Variants in HR observed in about 807,000 individuals in gnomAD.
HR encodes the protein HR lysine demethylase and nuclear receptor corepressor, also known as lysine-specific demethylase hairless.
A neutral mutation model predicts 128.6 loss-of-function variants in HR; 83 were observed. The observed-to-expected ratio is 0.65, with a 90% CI of 0.54 to 0.77. HR has a LOEUF of 0.77. Among genes scored for constraint, HR ranks in the 30% least tolerant of loss-of-function variants. The probability of loss-of-function intolerance (pLI) is 0.00; values close to 1 mark genes in which losing one functional copy is unlikely to be tolerated. For synonymous variants in HR, 681 were observed against 658.2 expected (o/e 1.03, Z -0.53); for missense variants, 1,490 against 1,574.6 (o/e 0.95, Z 0.91).
Position 22,125,211 on chromosome 8 carries a change from G to A in HR, c.1750+100C>T, listed in dbSNP as rs1826852731. ...CCAGGCCAGGGGCTCTTCTGAGGTT[G>A]CCTTAGGTCTAGGAGCTGGCAGTGT... On this transcript the variant is annotated intron_variant, in intron 5 of 18. Transcript: ENST00000381418. The A allele has an allele frequency of 9.7e-6, 12 of 1,236,312 alleles. No individual in the cohort carries two copies. In the South Asian group the frequency reaches 1.4e-4, roughly 14 times the overall value. 76.6% of individuals were successfully genotyped at this position (1,236,312 alleles called of 1,614,324 possible).
chr8:22,126,473 G>T (rs576519661), intron 3 of HR, among the ~76,000 whole-genome samples: 1 of 152,232 alleles, frequency 6.6e-6, no homozygotes, highest in Non-Finnish European at 1.5e-5. Flanking sequence ...ACCTGGCCAA[G>T]AGAGCAGCCA....
chr8:22,115,467 G>A lies in HR; in HGVS notation c.*233C>T, dbSNP rs879450544. On this transcript the variant is annotated 3_prime_UTR_variant, in exon 19 of 19. Transcript: ENST00000381418. ...GTGCGGGCCTGGTACCATGAAAAGG[G>A]GCACAGGGTGGGGGAGATGCCAGCC... is the stretch of plus-strand genomic sequence containing the variant. The A allele has an allele frequency of 9.9e-6, 6 of 607,636 alleles. No homozygotes were observed. The highest frequency in any genetic ancestry group is 1.8e-5 in the Non-Finnish European group (6 of 336,828). 37.6% of individuals were successfully genotyped at this position (607,636 alleles called of 1,614,324 possible).
chr8:22,128,235 A>C, intron 2 of HR: 4 of 521,444 alleles, frequency 7.7e-6, no homozygotes, highest in Non-Finnish European at 1.0e-5. Flanking sequence ...AGTCTCAGAT[A>C]GAGGGCCCTT....
In HR at chr8:22,116,175, GC is replaced by G; in HGVS notation, c.3507+124del. On this transcript the variant is annotated intron_variant, in intron 18 of 18. Coordinates refer to ENST00000381418, the MANE Select transcript of HR (RefSeq NM_005144.5). This position sits in a 1 kb window ranked among gnomAD's most constrained non-coding sequence, Gnocchi z 4.2. ...ACAAACTAAACAAAAGGAATACTCT[GC>G]CCCTGCACAGGGTGGCTGCCTGCTT... 1 of 1,294,210 alleles carries G rather than the reference GC, an allele frequency of 7.7e-7. No homozygotes were observed. The highest frequency in any genetic ancestry group is 1.3e-5 in the South Asian group (1 of 79,448). The allele number at this position is 1,294,210 out of a possible 1,614,324, so 80.2% of individuals were successfully genotyped here.
rs1826562045 is a variant in HR, at chr8:22,115,461, A to C, written c.*239T>G. 2 of 601,786 alleles carry C rather than the reference A, an allele frequency of 3.3e-6. No homozygotes were observed. The highest frequency in any genetic ancestry group is 5.6e-5 in the East Asian group (2 of 35,960). The allele number at this position is 601,786 out of a possible 1,614,324, so 37.3% of individuals were successfully genotyped here. A position where few individuals can be genotyped will look rare whatever the true frequency, so the allele number is the denominator to read the frequency against. On this transcript the variant is annotated 3_prime_UTR_variant, in exon 19 of 19. Transcript: ENST00000381418. ...CCCCCAGTGCGGGCCTGGTACCATGAAAAGGGGCACAGGGTGGGGGAGATG... is the reference window on the plus strand; with the variant it reads ...CCCCCAGTGCGGGCCTGGTACCATGCAAAGGGGCACAGGGTGGGGGAGATG...
At chr8:22,126,130 C>T (rs760527622) in intron 3 of HR, among the ~76,000 whole-genome samples, 10 of 152,240 alleles carry the variant, frequency 6.6e-5, no homozygotes, top group East Asian at 1.9e-4. Flanking sequence ...CGGAGGGCGC[C>T]GGAAGGTGAG....
intron 5 of HR, among the ~76,000 whole-genome samples, chr8:22,124,643 G>T (rs781141487): frequency 1.3e-5 from 2 of 152,220 alleles, no homozygotes; most frequent in Non-Finnish European, 2.9e-5. Flanking sequence ...GTGAGGATGG[G>T]AATGCGGGAG....
chr8:22,128,186 G>A lies in HR; in HGVS notation c.613-357C>T, dbSNP rs1391550528. ...GGAGTGGGAGTCATCTATGGAGGAG[G>A]TACCCTAGACATGGGCCATGGGGTC... is the stretch of plus-strand genomic sequence containing the variant. On this transcript the variant is annotated intron_variant, in intron 2 of 18. Coordinates refer to ENST00000381418, the MANE Select transcript of HR (RefSeq NM_005144.5). The A allele has an allele frequency of 2.0e-5, 10 of 509,422 alleles. No individual in the cohort carries two copies. In the East Asian group the frequency reaches 3.2e-4, roughly 17 times the overall value. The allele number at this position is 509,422 out of a possible 1,614,324, so 31.6% of individuals were successfully genotyped here. A position where few individuals can be genotyped will look rare whatever the true frequency, so the allele number is the denominator to read the frequency against.
chr8:22,115,609 G>T lies in HR; in HGVS notation c.*91C>A. 9.1e-7 allele frequency: 1 copy of T among 1,093,030 alleles called. No homozygotes were observed. The highest frequency in any genetic ancestry group is 1.4e-6 in the Non-Finnish European group (1 of 713,874). The allele number at this position is 1,093,030 out of a possible 1,614,324, so 67.7% of individuals were successfully genotyped here. ...TGTGGGGTTGACCAGAAATCCCCAA[G>T]TCCCCTAGCGCCATCCCCTGCTGAA... is the stretch of plus-strand genomic sequence containing the variant. On this transcript the variant is annotated 3_prime_UTR_variant, in exon 19 of 19. Coordinates refer to ENST00000381418, the MANE Select transcript of HR (RefSeq NM_005144.5).
At chr8:22,125,104 C>G (rs1826850497) in intron 5 of HR, among the ~76,000 whole-genome samples, 1 of 152,226 alleles carries the variant, frequency 6.6e-6, no homozygotes, top group African/African-American at 2.4e-5. Context: ...ATACTTGGCA[C>G]TCATTCTTGT....
Position 22,120,324 on chromosome 8 carries a change from T to C in HR, c.2776+18A>G. 1.2e-6 allele frequency: 2 copies of C among 1,613,626 alleles called. No individual in the cohort carries two copies. The highest frequency in any genetic ancestry group is 1.7e-6 in the Non-Finnish European group (2 of 1,179,936). On this transcript the variant is annotated intron_variant, in intron 12 of 18. Transcript: ENST00000381418. Reference sequence around the variant, plus strand: ...CTTGGGCTCCCAGCTCCCTCTCCCCTGTGTTGGGGACACTTACGCTCAGGC... The same window carrying C: ...CTTGGGCTCCCAGCTCCCTCTCCCCCGTGTTGGGGACACTTACGCTCAGGC...
chr8:22,116,794 G>A lies in HR; in HGVS notation c.3378+81C>T. 6.7e-7 allele frequency: 1 copy of A among 1,501,354 alleles called. No individual in the cohort carries two copies. The highest frequency in any genetic ancestry group is 9.0e-7 in the Non-Finnish European group (1 of 1,114,074). 93.0% of individuals were successfully genotyped at this position (1,501,354 alleles called of 1,614,324 possible). ...CTGCCCGGCTCTTGGGTATTGAGGGGATGTTGGATGCCTGCGGCCTTGATT... is the reference window on the plus strand; with the variant it reads ...CTGCCCGGCTCTTGGGTATTGAGGGAATGTTGGATGCCTGCGGCCTTGATT... On this transcript the variant is annotated intron_variant, in intron 17 of 18. Transcript: ENST00000381418. The surrounding 1 kb of genome is among the most constrained non-coding windows in gnomAD (Gnocchi z 4.2).
At position 22,118,991 on chromosome 8, in the gene HR, G is replaced by A. The variant is rs748200419; in HGVS notation, c.3172C>T (p.Arg1058Trp). 36 of 1,612,626 alleles carry A rather than the reference G, an allele frequency of 2.2e-5. No homozygotes were observed. The highest frequency in any genetic ancestry group is 2.8e-5 in the Non-Finnish European group (33 of 1,180,022). Residue 1058 changes from arginine to tryptophan, a missense_variant, in exon 16 of 19, where the codon CGG becomes TGG. Arg to Trp is a moderately radical substitution (Grantham distance 101, BLOSUM62 -3). Around this residue, in one of 3 missense-constraint regions of HR, gnomAD observed 423 missense variants for 495.9 expected, o/e 0.85. Transcript: ENST00000381418. Reference sequence around the variant, plus strand: ...CGGATGCGCTGGGCGTCCTGTGCCCGGAACACGTGCCACACAGTGCTGACC... The same window carrying A: ...CGGATGCGCTGGGCGTCCTGTGCCCAGAACACGTGCCACACAGTGCTGACC... ...SQVSTVWHVFRAQDAQRIRRF... is the reference protein window; with the variant it reads ...SQVSTVWHVFWAQDAQRIRRF...
Position 22,121,231 on chromosome 8 carries a change from G to A in HR, c.2204-3C>T. ...GGTCTCAGCGGAATCGGGGGTCTCT[G>A]TCAGGGAGGAAGATGGTGGGGGGCT... On this transcript the variant is annotated splice_region_variant and splice_polypyrimidine_tract_variant and intron_variant, in intron 9 of 18. Coordinates refer to ENST00000381418, the MANE Select transcript of HR (RefSeq NM_005144.5). 6.2e-7 allele frequency: 1 copy of A among 1,613,530 alleles called. No homozygotes were observed. The highest frequency in any genetic ancestry group is 8.5e-7 in the Non-Finnish European group (1 of 1,179,844).
At chr8:22,128,178 TGGA>T in intron 2 of HR, 1 of 509,380 alleles carries the variant, frequency 2.0e-6, no homozygotes, top group South Asian at 2.1e-5. Flanking sequence ...GAGTCATCTA[TGGA>T]GGAGGTACCC....
Position 22,128,793 on chromosome 8 carries a change from A to C in HR, c.378T>G (p.His126Gln), listed in dbSNP as rs1197001228. 6.2e-7 allele frequency: 1 copy of C among 1,612,040 alleles called. No individual in the cohort carries two copies. The highest frequency in any genetic ancestry group is 1.3e-5 in the African/African-American group (1 of 74,930). ...GGTCACTCTTGAGATGGCCACCACTATGCTCAGGCATCAGGGGGCCACAGC... is the reference window on the plus strand; with the variant it reads ...GGTCACTCTTGAGATGGCCACCACTCTGCTCAGGCATCAGGGGGCCACAGC... Reference protein sequence around the residue: ...PPRCGPLMPEHSGGHLKSDPV... With the variant: ...PPRCGPLMPEQSGGHLKSDPV... The change falls in exon 2 of 19, where the codon CAT becomes CAG. Residue 126 changes from histidine (H) to glutamine (Q), a missense_variant. Coordinates refer to ENST00000381418, the MANE Select transcript of HR (RefSeq NM_005144.5).
In HR at chr8:22,115,656, TG is replaced by T. The variant is rs1450904670; in HGVS notation, c.*43del. On this transcript the variant is annotated 3_prime_UTR_variant, in exon 19 of 19. Transcript: ENST00000381418. ...TGAAGTTGTGCCTGGGCTGAGCACC[TG>T]GTCTACCTGTCCCCACCCCGATCCC... 3.2e-6 allele frequency: 5 copies of T among 1,561,456 alleles called. No homozygotes were observed. Among genetic ancestry groups the T allele is most frequent in the Non-Finnish European group, 4.4e-6 (5 of 1,132,388 alleles).
At chr8:22,126,929 C>G (rs2131765568) in intron 3 of HR, 108 bp downstream of exon 3, 3 of 1,131,626 alleles carry the variant, frequency 2.7e-6, no homozygotes, top group East Asian at 4.8e-5. Flanking sequence ...GGAGCCTGAC[C>G]ACTGGTTGTG....
rs1259005748 is a variant in HR at position 22,128,897 on chromosome 8, C to T, written c.274G>A (p.Gly92Ser). ...TTCCAGCGCAGTCCCTCTTTGCTGC[C>T]CAGCCAGTTGACCTTCCTCTCCCCA... ...QNGERKVNWL[G>S]SKEGLRWKEA... Residue 92 changes from glycine to serine, a missense_variant, in exon 2 of 19, where the codon GGC becomes AGC. By Grantham distance (56) the Gly-to-Ser change is moderately conservative. Coordinates refer to ENST00000381418, the MANE Select transcript of HR (RefSeq NM_005144.5). 15 of 1,613,528 alleles carry T rather than the reference C, an allele frequency of 9.3e-6. No homozygotes were observed. The highest frequency in any genetic ancestry group is 1.2e-5 in the Non-Finnish European group (14 of 1,180,030).
Sources: gnomAD v4.1 joint callset for allele counts (sites outside exome capture counted in the v4.1 genomes callset) on GRCh38, gnomAD v4.1.1 for gene constraint, gnomAD v4.1.1 regional missense constraint, Gnocchi (gnomAD v3.1) non-coding constraint, MANE v1.5 for transcripts, NCBI Gene and HGNC (gene_info 2026-07-23, HGNC 2026-07-21) for gene names.